The following XKR5 variants were observed in gnomAD, a reference collection of about 807,000 sequenced individuals.
XKR5 encodes the protein XK related 5, also known as XK-related protein 5.
A neutral mutation model predicts 40.8 loss-of-function variants in XKR5; 46 were observed. The ratio of observed to expected loss-of-function variants is 1.13; its 90% CI spans 0.89 to 1.44. The LOEUF (loss-of-function observed/expected upper bound fraction) is 1.44. XKR5 is among the 40% of genes most tolerant of loss of function. XKR5 has a pLI of 0.00. For missense variants in XKR5, 1,169 were observed against 844.7 expected (o/e 1.38, Z -4.76); for synonymous variants, 466 against 356.1 (o/e 1.31, Z -3.48).
At chr8:6,815,736 T>G in intron 6 of XKR5, 71 bp downstream of exon 6, 1 of 1,073,884 alleles carries the variant, frequency 9.3e-7, no homozygotes, top group Non-Finnish European at 1.4e-6. Context: ...TTCCTACCCT[T>G]TGAGCCCATT....
In XKR5 at chr8:6,822,014, A is replaced by T. The variant is rs772465041; in HGVS notation, c.662T>A (p.Phe221Tyr). 3.7e-6 allele frequency: 6 copies of T among 1,606,370 alleles called. No homozygotes were observed. Among genetic ancestry groups the T allele is most frequent in the Non-Finnish European group, 5.1e-6 (6 of 1,176,650 alleles). ...GTCACTCTGCTGGGCGACAAGCCAGAATGTCATCACCAGCCAGTGGGCACC... is the reference window on the plus strand; with the variant it reads ...GTCACTCTGCTGGGCGACAAGCCAGTATGTCATCACCAGCCAGTGGGCACC... ...VAGAHWLVMT[F>Y]WLVAQQSDII... is the part of the protein sequence containing the mutation. The change falls in exon 5 of 7, where the codon TTC becomes TAC. Residue 221 changes from phenylalanine to tyrosine, a missense_variant. By Grantham distance (22) the Phe-to-Tyr change is conservative. Coordinates refer to ENST00000618742, the MANE Select transcript of XKR5 (RefSeq NM_207411.5).
chr8:6,812,416 C>T (rs1803772927), intron 6 of XKR5, 77 bp from the exon 7 acceptor site: 6 of 1,425,466 alleles, frequency 4.2e-6, no homozygotes, highest in Non-Finnish European at 2.8e-6. Flanking sequence ...GTTTCAGGTT[C>T]TGGCCCTTTT....
intron 2 of XKR5, among the ~76,000 whole-genome samples, chr8:6,832,110 C>T (rs1358391321): frequency 6.6e-6 from 1 of 151,292 alleles, no homozygotes; most frequent in Non-Finnish European, 1.5e-5. Context: ...AACTCACTGA[C>T]ACATCTCTTC....
chr8:6,821,511 T>G (rs779405812), intron 5 of XKR5, among the ~76,000 whole-genome samples: 1 of 152,196 alleles, frequency 6.6e-6, no homozygotes, highest in Non-Finnish European at 1.5e-5. Context: ...ATCTTATTCA[T>G]AAACCCCTAA....
chr8:6,822,963 C>T (rs897500617), intron 4 of XKR5, among the ~76,000 whole-genome samples: 1 of 152,152 alleles, frequency 6.6e-6, no homozygotes, highest in African/African-American at 2.4e-5. Flanking sequence ...CAAGTGGGAC[C>T]TTGTACCTCC....
intron 2 of XKR5, among the ~76,000 whole-genome samples, chr8:6,831,724 A>G (rs1280191568): frequency 6.6e-6 from 1 of 152,124 alleles, no homozygotes; most frequent in East Asian, 1.9e-4. Context: ...TCCCTTAAAA[A>G]AAATCCTGTG....
rs138681024 is a variant in XKR5 at position 6,810,804 on chromosome 8, C to T, written c.*394G>A. On this transcript the variant is annotated 3_prime_UTR_variant, in exon 7 of 7. Coordinates refer to ENST00000618742, the MANE Select transcript of XKR5 (RefSeq NM_207411.5). ...TATATTAAAATGAGATTCATAACCG[C>T]TAAATGTGAGGCAAAGCTAATTGTA... 733 of 166,914 alleles carry T rather than the reference C, an allele frequency of 4.4e-3. 4 individuals are homozygous for T. Among genetic ancestry groups the T allele is most frequent in the African/African-American group, 0.016 (678 of 41,934 alleles). 10.3% of individuals were successfully genotyped at this position (166,914 alleles called of 1,614,324 possible).
chr8:6,811,813 C>T lies in XKR5; in HGVS notation c.1446G>A (p.Leu482=). ...EGVPKAEADP[L]ETSSYVSFAS... ...CAAAAGATACGTAACTTGAGGTTTC[C>T]AATGGGTCGGCCTCTGCTTTAGGGA... Residue 482 remains leucine (L), a synonymous_variant, in exon 7 of 7, where the codon TTG becomes TTA. Transcript: ENST00000618742. 6.5e-7 allele frequency: 1 copy of T among 1,537,630 alleles called. No individual in the cohort carries two copies. The highest frequency in any genetic ancestry group is 8.7e-7 in the Non-Finnish European group (1 of 1,146,996).
In XKR5 at chr8:6,829,868, C is replaced by T. The variant is rs1441453612; in HGVS notation, c.242+2849G>A. ...TTTTTTTTTTTTTGAGACGGAGTCT[C>T]GCTCTGTCACCCAAGCTGGAGTCCA... On this transcript the variant is annotated intron_variant, in intron 2 of 6. Transcript: ENST00000618742. Among the ~76,000 whole-genome samples the T allele has an allele frequency of 5.1e-5, 6 of 117,100 alleles. No homozygotes were observed. In the East Asian group the frequency reaches 1.4e-3, roughly 27 times the overall value. The allele number at this position is 117,100 out of a possible 152,430, so 76.8% of individuals were successfully genotyped here.
chr8:6,820,768 G>T (rs1176836195), intron 5 of XKR5, among the ~76,000 whole-genome samples: 1 of 152,154 alleles, frequency 6.6e-6, no homozygotes, highest in Non-Finnish European at 1.5e-5. Context: ...AGCTCTGCCT[G>T]GCTCTATAGC....
chr8:6,819,099 G>T (rs1804098371), intron 5 of XKR5, among the ~76,000 whole-genome samples: 1 of 152,184 alleles, frequency 6.6e-6, no homozygotes, highest in Admixed American at 6.5e-5. Context: ...ATGTGGGGGT[G>T]GTACACTCTC....
chr8:6,819,194 C>T, intron 5 of XKR5, among the ~76,000 whole-genome samples: 1 of 152,246 alleles, frequency 6.6e-6, no homozygotes, highest in East Asian at 1.9e-4. Context: ...GGCTTCCAGA[C>T]AGGAATTGCA....
At chr8:6,814,009 G>C (rs1185470842) in intron 6 of XKR5, among the ~76,000 whole-genome samples, 1 of 152,178 alleles carries the variant, frequency 6.6e-6, no homozygotes, top group Non-Finnish European at 1.5e-5. Context: ...TGAGTTGTTA[G>C]ACCTCCCGGC....
chr8:6,812,241 C>T lies in XKR5; in HGVS notation c.1018G>A (p.Asp340Asn), dbSNP rs373092246. The change falls in exon 7 of 7, where the codon GAT becomes AAT. Residue 340 changes from aspartate (D) to asparagine (N), a missense_variant. Asp to Asn is a conservative substitution (Grantham distance 23). Coordinates refer to ENST00000618742, the MANE Select transcript of XKR5 (RefSeq NM_207411.5). ...LRKSCGIAGG[D>N]KTERRDSPRA... ...GGAGAATCTCTTCTCTCTGTTTTAT[C>T]ACCTCCTGCAATGCCACAGGACTTC... The T allele has an allele frequency of 3.9e-6, 6 of 1,552,586 alleles. No individual in the cohort carries two copies. The highest frequency in any genetic ancestry group is 5.2e-6 in the Non-Finnish European group (6 of 1,147,288).
intron 6 of XKR5, among the ~76,000 whole-genome samples, chr8:6,814,219 A>T (rs906997161): frequency 6.6e-6 from 1 of 152,188 alleles, no homozygotes; most frequent in Admixed American, 6.5e-5. Context: ...GATTCAAATG[A>T]TTATTTTAAA....
chr8:6,818,114 C>A (rs1270516749), intron 5 of XKR5, among the ~76,000 whole-genome samples: 1 of 152,234 alleles, frequency 6.6e-6, no homozygotes, highest in Admixed American at 6.5e-5. Flanking sequence ...ACACTCAGTG[C>A]AATCTGTTTT....
At position 6,822,129 on chromosome 8, in the gene XKR5, C is replaced by T. The variant is rs184918621; in HGVS notation, c.638-91G>A. On this transcript the variant is annotated intron_variant, in intron 4 of 6. Transcript: ENST00000618742. ...AGAGACCAGGGGCTGGAAGGCTCTC[C>T]GACCACATTTGACTCAGCATCCAAG... The T allele has an allele frequency of 1.7e-4, 229 of 1,317,964 alleles. 1 individual carries two copies. The highest frequency in any genetic ancestry group is 1.7e-3 in the African/African-American group (114 of 67,798). The allele number at this position is 1,317,964 out of a possible 1,614,324, so 81.6% of individuals were successfully genotyped here.
At chr8:6,817,540 T>A (rs1804019946) in intron 5 of XKR5, among the ~76,000 whole-genome samples, 1 of 151,296 alleles carries the variant, frequency 6.6e-6, no homozygotes, top group Non-Finnish European at 1.5e-5. Context: ...CTGACCGAGT[T>A]TCCAGCAGCT....
Position 6,812,236 on chromosome 8 carries a change from T to G in XKR5, c.1023A>C (p.Lys341Asn). 6.4e-7 allele frequency: 1 copy of G among 1,552,524 alleles called. No individual in the cohort carries two copies. Among genetic ancestry groups the G allele is most frequent in the East Asian group, 2.4e-5 (1 of 41,034 alleles). ...RKSCGIAGGD[K>N]TERRDSPRAT... ...CCCGGGGAGAATCTCTTCTCTCTGTTTTATCACCTCCTGCAATGCCACAGG... is the reference window on the plus strand; with the variant it reads ...CCCGGGGAGAATCTCTTCTCTCTGTGTTATCACCTCCTGCAATGCCACAGG... The change falls in exon 7 of 7, where the codon AAA becomes AAC. Residue 341 changes from lysine (K) to asparagine (N), a missense_variant. Transcript: ENST00000618742.
Sources: gnomAD v4.1 joint callset for allele counts (sites outside exome capture counted in the v4.1 genomes callset) on GRCh38, gnomAD v4.1.1 for gene constraint, MANE v1.5 for transcripts, NCBI Gene and HGNC (gene_info 2026-07-23, HGNC 2026-07-21) for gene names.